LRRN3: variants seen among roughly 807,000 people sequenced by gnomAD.
LRRN3 encodes leucine rich repeat neuronal 3, also known as leucine-rich repeat neuronal protein 3.
Under a neutral mutation model 40.1 loss-of-function variants are expected in LRRN3, and 15 were observed. The ratio of observed to expected loss-of-function variants is 0.37; its 90% CI spans 0.25 to 0.58. The LOEUF is 0.58. Among genes scored for constraint, LRRN3 ranks in the 20% least tolerant of loss-of-function variants. The pLI, the probability that LRRN3 is intolerant of heterozygous loss-of-function variation, is 0.72. For missense variants in LRRN3, 746 were observed against 837.7 expected (o/e 0.89, Z 1.35); for synonymous variants, 308 against 297.2 (o/e 1.04, Z -0.37).
intron 2 of LRRN3, among the ~76,000 whole-genome samples, chr7:111,102,241 T>C (rs895272957): frequency 1.3e-5 from 2 of 151,560 alleles, no homozygotes; most frequent in African/African-American, 4.8e-5. Context: ...ACATTGACTA[T>C]GATTATAGTT....
At chr7:111,108,168 A>G (rs1403870260) in intron 2 of LRRN3, among the ~76,000 whole-genome samples, 1 of 152,154 alleles carries the variant, frequency 6.6e-6, no homozygotes, top group East Asian at 1.9e-4. Flanking sequence ...TTGTTGATGT[A>G]TTCCATTTGA....
intron 2 of LRRN3, among the ~76,000 whole-genome samples, chr7:111,122,095 A>T: frequency 7.5e-6 from 1 of 132,844 alleles, no homozygotes; most frequent in South Asian, 2.8e-4. Context: ...GGGGGGAGGG[A>T]TAGCATTAGG....
At chr7:111,093,154 A>G (rs1399228046) in intron 1 of LRRN3, among the ~76,000 whole-genome samples, 1 of 152,118 alleles carries the variant, frequency 6.6e-6, no homozygotes, top group African/African-American at 2.4e-5. Flanking sequence ...AGTGGCTTCG[A>G]TTTTCTCTCT....
chr7:111,109,876 C>T (rs941608889), intron 2 of LRRN3, among the ~76,000 whole-genome samples: 6 of 152,182 alleles, frequency 3.9e-5, no homozygotes, highest in Non-Finnish European at 8.8e-5. Flanking sequence ...TGGCTCATGC[C>T]TGTAATTCCA....
chr7:111,120,460 A>T (rs1460225838), intron 2 of LRRN3, among the ~76,000 whole-genome samples: 1 of 152,138 alleles, frequency 6.6e-6, no homozygotes, highest in Non-Finnish European at 1.5e-5. Context: ...TGCCCCCATG[A>T]TTTAATTATC....
At chr7:111,111,756 GC>G (rs1799233791) in intron 2 of LRRN3, among the ~76,000 whole-genome samples, 1 of 151,722 alleles carries the variant, frequency 6.6e-6, no homozygotes, top group African/African-American at 2.4e-5. Context: ...TACATAATTA[GC>G]TTCAAGTAAA....
At chr7:111,094,106 C>T (rs1563234796) in intron 1 of LRRN3, among the ~76,000 whole-genome samples, 1 of 152,080 alleles carries the variant, frequency 6.6e-6, no homozygotes, top group African/African-American at 2.4e-5. Flanking sequence ...TTTGCTTTCG[C>T]CATGTGATGG....
Position 111,122,571 on chromosome 7 carries a change from C to G in LRRN3, c.-202C>G. The G allele has an allele frequency of 1.8e-6, 1 of 556,494 alleles. No homozygotes were observed. Among genetic ancestry groups the G allele is most frequent in the Non-Finnish European group, 3.2e-6 (1 of 314,546 alleles). 34.5% of individuals were successfully genotyped at this position (556,494 alleles called of 1,614,324 possible). On this transcript the variant is annotated 5_prime_UTR_variant, in exon 3 of 3. Coordinates refer to ENST00000308478, the MANE Select transcript of LRRN3 (RefSeq NM_001099658.2). ...ATCATTAAGGAAATAGTAACCTTCTCTTCTCCAATATGCATGACATTTTTG... is the reference window on the plus strand; with the variant it reads ...ATCATTAAGGAAATAGTAACCTTCTGTTCTCCAATATGCATGACATTTTTG...
intron 2 of LRRN3, among the ~76,000 whole-genome samples, chr7:111,120,047 A>C (rs756296944): frequency 3.9e-5 from 6 of 152,236 alleles, no homozygotes; most frequent in Non-Finnish European, 4.4e-5. Flanking sequence ...CTCTACCAAT[A>C]GGGAGAAGGT....
chr7:111,091,166 A>C lies in LRRN3; in HGVS notation c.-779A>C, dbSNP rs1586198876. 6.6e-6 allele frequency: 1 copy of C among 152,146 alleles called. No individual in the cohort carries two copies. The allele number at this position is 152,146 out of a possible 1,614,324, so 9.4% of individuals were successfully genotyped here. On this transcript the variant is annotated 5_prime_UTR_variant, in exon 1 of 3. The change abolishes the stop of an existing upstream ORF in the 5' untranslated region. Transcript: ENST00000308478. Reference sequence around the variant, plus strand: ...TGATCGGGTGAACGATGCACCACTAACCACCATGGAAACAAGGAAAAATAA... The same window carrying C: ...TGATCGGGTGAACGATGCACCACTACCCACCATGGAAACAAGGAAAAATAA...
chr7:111,106,662 A>G (rs1798582360), intron 2 of LRRN3, among the ~76,000 whole-genome samples: 1 of 147,066 alleles, frequency 6.8e-6, no homozygotes, highest in African/African-American at 2.5e-5. Context: ...TATTAAGATA[A>G]CAGGAATTAA....
At chr7:111,121,928 G>A (rs1586420790) in intron 2 of LRRN3, among the ~76,000 whole-genome samples, 1 of 152,128 alleles carries the variant, frequency 6.6e-6, no homozygotes, top group African/African-American at 2.4e-5. Context: ...GTCCTTTGTA[G>A]GGACATGGAT....
Position 111,091,173 on chromosome 7 carries a change from T to C in LRRN3, c.-772T>C, listed in dbSNP as rs573760765. On this transcript the variant is annotated 5_prime_UTR_variant, in exon 1 of 3. It removes an upstream start codon present in the reference 5' UTR. Coordinates refer to ENST00000308478, the MANE Select transcript of LRRN3 (RefSeq NM_001099658.2). ...GTGAACGATGCACCACTAACCACCATGGAAACAAGGAAAAATAAAGCCAGC... is the reference window on the plus strand; with the variant it reads ...GTGAACGATGCACCACTAACCACCACGGAAACAAGGAAAAATAAAGCCAGC... 3.2e-3 allele frequency: 480 copies of C among 152,048 alleles called. 2 individuals are homozygous for C. Among genetic ancestry groups the C allele is most frequent in the Middle Eastern group, 0.01 (3 of 294 alleles). 9.4% of individuals were successfully genotyped at this position (152,048 alleles called of 1,614,324 possible). A position where few individuals can be genotyped will look rare whatever the true frequency, so the allele number is the denominator to read the frequency against.
At chr7:111,091,849 A>G (rs1201285981) in intron 1 of LRRN3, among the ~76,000 whole-genome samples, 1 of 151,832 alleles carries the variant, frequency 6.6e-6, no homozygotes, top group Non-Finnish European at 1.5e-5. Flanking sequence ...AGGGAGAGAG[A>G]AGGAGATGGG....
In LRRN3 at chr7:111,101,325, G is replaced by A. The variant is rs896048866; in HGVS notation, c.-359+1363G>A. ...ACAGAACCTTGGCATACTGATAAGCGATAATGTCTATAAGATACAACAAGC... is the reference window on the plus strand; with the variant it reads ...ACAGAACCTTGGCATACTGATAAGCAATAATGTCTATAAGATACAACAAGC... On this transcript the variant is annotated intron_variant, in intron 2 of 2. Transcript: ENST00000308478. Among the ~76,000 whole-genome samples the A allele has an allele frequency of 1.1e-4, 16 of 151,320 alleles. 1 individual carries two copies. The highest frequency in any genetic ancestry group is 1.8e-4 in the Non-Finnish European group (12 of 67,590).
chr7:111,105,493 A>G (rs1041557612), intron 2 of LRRN3, among the ~76,000 whole-genome samples: 1 of 151,912 alleles, frequency 6.6e-6, no homozygotes, highest in African/African-American at 2.4e-5. Context: ...CTGACGGACA[A>G]TTTACATCTG....
At chr7:111,107,190 C>G (rs777759293) in intron 2 of LRRN3, among the ~76,000 whole-genome samples, 2 of 151,574 alleles carry the variant, frequency 1.3e-5, no homozygotes, top group Non-Finnish European at 3.0e-5. Flanking sequence ...TCTCTCCTTC[C>G]CTCCCTTCTT....
At chr7:111,093,292 A>C (rs1797057484) in intron 1 of LRRN3, among the ~76,000 whole-genome samples, 2 of 152,162 alleles carry the variant, frequency 1.3e-5, no homozygotes, top group African/African-American at 4.8e-5. Context: ...TATAAAAAAA[A>C]CCAAAATGAT....
At chr7:111,106,948 T>C (rs952407327) in intron 2 of LRRN3, among the ~76,000 whole-genome samples, 2 of 152,102 alleles carry the variant, frequency 1.3e-5, no homozygotes, top group Non-Finnish European at 1.5e-5. Flanking sequence ...ATTTCTAATA[T>C]GTTATGCATG....
Sources: gnomAD v4.1 joint callset for allele counts (sites outside exome capture counted in the v4.1 genomes callset) on GRCh38, gnomAD v4.1.1 for gene constraint, MANE v1.5 for transcripts, NCBI Gene and HGNC (gene_info 2026-07-23, HGNC 2026-07-21) for gene names.